Variants in DLG2 observed in about 807,000 individuals in gnomAD.
The protein encoded by DLG2 is discs large MAGUK scaffold protein 2, also known as disks large homolog 2.
Under a neutral mutation model 132.5 loss-of-function variants are expected in DLG2, and 45 were observed. The observed-to-expected ratio is 0.34, with a 90% confidence interval of 0.27 to 0.44. The LOEUF is 0.44. Ranked by LOEUF, DLG2 falls within the 20% of genes least tolerant of loss-of-function variation. The pLI is 1.00. For missense variants in DLG2, 1,045 were observed against 1,196.9 expected (o/e 0.87, Z 1.87); for synonymous variants, 424 against 419.6 (o/e 1.01, Z -0.13).
chr11:85,321,597 A>C (rs1004319940), intron 3 of DLG2, among the ~76,000 whole-genome samples: 6 of 152,036 alleles, frequency 3.9e-5, no homozygotes, highest in African/African-American at 1.4e-4. Context: ...GATTTGGGAA[A>C]ATAAACAGGA....
intron 6 of DLG2, among the ~76,000 whole-genome samples, chr11:84,870,252 A>G (rs2154040767): frequency 6.6e-6 from 1 of 152,326 alleles, no homozygotes; most frequent in Middle Eastern, 3.4e-3. Flanking sequence ...AGCCCCGGGA[A>G]GAGCGATGTT....
chr11:84,319,394 T>C (rs1046873807), intron 7 of DLG2, among the ~76,000 whole-genome samples: 4 of 152,206 alleles, frequency 2.6e-5, no homozygotes, highest in Admixed American at 6.5e-5. Flanking sequence ...AGTGATAAGT[T>C]TGGCTGTCTC....
chr11:83,646,880 G>A (rs1210292086), intron 18 of DLG2: 1 of 151,998 alleles, frequency 6.6e-6, no homozygotes. Flanking sequence ...AAAAGCTACT[G>A]TTCTCAATTA....
At chr11:83,777,737 C>T (rs572041907) in intron 18 of DLG2, among the ~76,000 whole-genome samples, 2 of 152,138 alleles carry the variant, frequency 1.3e-5, no homozygotes, top group African/African-American at 4.8e-5. Context: ...AGATACAGAT[C>T]TTTCCCCTTC....
intron 7 of DLG2, among the ~76,000 whole-genome samples, chr11:84,358,988 G>A (rs1252869904): frequency 6.6e-6 from 1 of 151,854 alleles, no homozygotes; most frequent in Admixed American, 6.6e-5. Flanking sequence ...ATGGGGGAGA[G>A]ATACAGCATG....
chr11:84,451,371 T>G (rs2099051147), intron 7 of DLG2, among the ~76,000 whole-genome samples: 1 of 151,884 alleles, frequency 6.6e-6, no homozygotes, highest in Non-Finnish European at 1.5e-5. Context: ...AGATAATTAT[T>G]TTTTCTTGTT....
chr11:83,951,413 C>T (rs1014678490), intron 14 of DLG2, among the ~76,000 whole-genome samples: 1 of 151,874 alleles, frequency 6.6e-6, no homozygotes, highest in Non-Finnish European at 1.5e-5. Context: ...TGATGTCAAG[C>T]AGGAATAAGC....
intron 18 of DLG2, among the ~76,000 whole-genome samples, chr11:83,723,179 G>A (rs1415340696): frequency 6.6e-6 from 1 of 151,980 alleles, no homozygotes; most frequent in African/African-American, 2.4e-5. Flanking sequence ...TTAGAAGTTC[G>A]AGACCAGCCC....
rs139679862 is a variant in DLG2 at position 85,097,785 on chromosome 11, T to G, written c.357+13876A>C. Among the ~76,000 whole-genome samples, 99 of 152,326 alleles carry G rather than the reference T, an allele frequency of 6.5e-4. 1 individual carries two copies. Among genetic ancestry groups the G allele is most frequent in the African/African-American group, 2.3e-3 (95 of 41,580 alleles). On this transcript the variant is annotated intron_variant, in intron 6 of 27. Coordinates refer to ENST00000376104, the MANE Select transcript of DLG2 (RefSeq NM_001142699.3). ...TTTAGTTTATTCTGTATACATAGTA[T>G]GAGGCTCCAGAAGGCCAAGAAAGTC...
chr11:85,261,806 G>A (rs1215803093), intron 4 of DLG2, among the ~76,000 whole-genome samples: 1 of 152,116 alleles, frequency 6.6e-6, no homozygotes, highest in Non-Finnish European at 1.5e-5. Flanking sequence ...GTGATGAGGA[G>A]AAGGGTCCCT....
chr11:85,306,282 T>G (rs1483945451), intron 3 of DLG2, among the ~76,000 whole-genome samples: 1 of 152,242 alleles, frequency 6.6e-6, no homozygotes, highest in East Asian at 1.9e-4. Flanking sequence ...GTACTTTCTA[T>G]GTACCTGCCA....
chr11:85,135,022 A>G (rs1308161836), intron 5 of DLG2, among the ~76,000 whole-genome samples: 1 of 152,146 alleles, frequency 6.6e-6, no homozygotes, highest in Non-Finnish European at 1.5e-5. Context: ...CAGTTTGTCT[A>G]TTCACCCTCA....
chr11:85,458,228 G>A (rs1388345226), intron 3 of DLG2, among the ~76,000 whole-genome samples: 1 of 151,960 alleles, frequency 6.6e-6, no homozygotes. Context: ...CTATTCTCCT[G>A]TTAACACTTG....
At chr11:84,279,449 C>T (rs898071435) in intron 7 of DLG2, among the ~76,000 whole-genome samples, 5 of 152,166 alleles carry the variant, frequency 3.3e-5, no homozygotes, top group Admixed American at 1.3e-4. Context: ...CCAGCAATCC[C>T]ATTACTCGGT....
In DLG2 at chr11:83,740,041, A is replaced by G. The variant is rs150092971; in HGVS notation, c.1825+46649T>C. Among the ~76,000 whole-genome samples the G allele has an allele frequency of 2.5e-3, 380 of 152,112 alleles. 2 individuals are homozygous for G. The highest frequency in any genetic ancestry group is 9.1e-3 in the South Asian group (44 of 4,826). On this transcript the variant is annotated intron_variant, in intron 18 of 27. Coordinates refer to ENST00000376104, the MANE Select transcript of DLG2 (RefSeq NM_001142699.3). Reference sequence around the variant, plus strand: ...ATCCCTTTTAGTACAGAGCACAAAGACAGCACAGAGCACAATGCAAAAGAA... The same window carrying G: ...ATCCCTTTTAGTACAGAGCACAAAGGCAGCACAGAGCACAATGCAAAAGAA...
At chr11:84,871,998 A>G (rs1028643016) in intron 6 of DLG2, among the ~76,000 whole-genome samples, 1 of 152,206 alleles carries the variant, frequency 6.6e-6, no homozygotes, top group Non-Finnish European at 1.5e-5. Flanking sequence ...AGTTAATCTA[A>G]TTAACTCAGT....
chr11:84,835,884 G>A (rs1201010894), intron 6 of DLG2, among the ~76,000 whole-genome samples: 2 of 151,664 alleles, frequency 1.3e-5, no homozygotes, highest in African/African-American at 2.4e-5. Context: ...TATTTAAGCT[G>A]GAAAAATGTA....
rs200681398 is a variant in DLG2, at chr11:84,502,406, CTTT to C, written c.519+32161_519+32163del. ...TCTTTCTTTCTTTCTTTCTTTCTTT[CTTT>C]CTTTCTATACAGAGTCTCATGCTGT... is the stretch of plus-strand genomic sequence containing the variant. On this transcript the variant is annotated intron_variant, in intron 7 of 27. Coordinates refer to ENST00000376104, the MANE Select transcript of DLG2 (RefSeq NM_001142699.3). 1.7e-3 allele frequency among the ~76,000 whole-genome samples: 164 copies of C among 99,056 alleles called. 5 individuals are homozygous for C. Among genetic ancestry groups the C allele is most frequent in the African/African-American group, 6.8e-3 (151 of 22,326 alleles). 65.0% of individuals were successfully genotyped at this position (99,056 alleles called of 152,430 possible).
intron 6 of DLG2, among the ~76,000 whole-genome samples, chr11:84,652,036 A>T (rs1005852020): frequency 6.6e-6 from 1 of 152,178 alleles, no homozygotes; most frequent in Non-Finnish European, 1.5e-5. Flanking sequence ...GAGGGAAGAG[A>T]GGAAAAAAAT....
Sources: gnomAD v4.1 joint callset for allele counts (sites outside exome capture counted in the v4.1 genomes callset) on GRCh38, gnomAD v4.1.1 for gene constraint, MANE v1.5 for transcripts, NCBI Gene and HGNC (gene_info 2026-07-23, HGNC 2026-07-21) for gene names.